Variants in GOLIM4 observed in about 807,000 individuals in gnomAD.
GOLIM4 encodes the protein 130 kDa golgi-localized phosphoprotein.
A neutral mutation model predicts 107.4 loss-of-function variants in GOLIM4; 71 were observed. The observed-to-expected ratio is 0.66, with a 90% CI of 0.55 to 0.81. The LOEUF (loss-of-function observed/expected upper bound fraction) is 0.81, where lower values mean the gene tolerates loss of function less well. Among genes scored for constraint, GOLIM4 ranks in the 30% least tolerant of loss-of-function variants. GOLIM4 has a pLI of 0.00. For missense variants in GOLIM4, 830 were observed against 826.1 expected, an observed-to-expected ratio of 1.00 and a Z score of -0.06; for synonymous variants, 327 against 294.8, an observed-to-expected ratio of 1.11 and a Z score of -1.12.
At chr3:168,050,524 T>C (rs1211048346) in intron 1 of GOLIM4, among the ~76,000 whole-genome samples, 1 of 151,706 alleles carries the variant, frequency 6.6e-6, no homozygotes, top group African/African-American at 2.4e-5. Flanking sequence ...TACAATACTA[T>C]CATGATAAAA....
intron 14 of GOLIM4, among the ~76,000 whole-genome samples, chr3:168,020,197 G>A (rs1279782608): frequency 1.3e-5 from 2 of 152,130 alleles, no homozygotes; most frequent in Admixed American, 6.5e-5. Flanking sequence ...ATAGCATTGG[G>A]TGAAAAATCA....
chr3:168,076,004 C>T (rs2108283378), intron 1 of GOLIM4, among the ~76,000 whole-genome samples: 1 of 152,240 alleles, frequency 6.6e-6, no homozygotes, highest in South Asian at 2.1e-4. Context: ...ACAAACCTCA[C>T]ATTAAATGGA....
rs1459781751 is a variant in GOLIM4, at chr3:168,078,274, A to AT, written c.187+16824dup. ...TTTTGTTTACACAAATATTTTGTTA[A>AT]TTTTTTCTATCATAATTTGTATGGT... On this transcript the variant is annotated intron_variant, in intron 1 of 15. Transcript: ENST00000470487. 5.3e-5 allele frequency among the ~76,000 whole-genome samples: 8 copies of AT among 152,252 alleles called. No individual in the cohort carries two copies. In the East Asian group the frequency reaches 1.5e-3, roughly 29 times the overall value.
chr3:168,066,080 G>A (rs545682591), intron 1 of GOLIM4, among the ~76,000 whole-genome samples: 46 of 152,146 alleles, frequency 3.0e-4, no homozygotes, highest in Non-Finnish European at 5.7e-4. Context: ...TAGACAGAAG[G>A]ACTCAGCAGG....
In GOLIM4 at chr3:168,032,882, C is replaced by G. The variant is rs777101348; in HGVS notation, c.844-30G>C. ...GCCAAGCACATCACTGGGAATGACACTCTTCCAATTTCAAAAGTAATGATG... is the reference window on the plus strand; with the variant it reads ...GCCAAGCACATCACTGGGAATGACAGTCTTCCAATTTCAAAAGTAATGATG... On this transcript the variant is annotated intron_variant, in intron 8 of 15. Transcript: ENST00000470487. The G allele has an allele frequency of 2.1e-5, 32 of 1,496,406 alleles. No individual in the cohort carries two copies. In the African/African-American group the frequency reaches 3.3e-4, roughly 16 times the overall value. The allele number at this position is 1,496,406 out of a possible 1,614,324, so 92.7% of individuals were successfully genotyped here. A position where few individuals can be genotyped will look rare whatever the true frequency, so the allele number is the denominator to read the frequency against.
chr3:168,081,770 T>C lies in GOLIM4; in HGVS notation c.187+13329A>G, dbSNP rs138368844. Among the ~76,000 whole-genome samples, 6 of 152,308 alleles carry C rather than the reference T, an allele frequency of 3.9e-5. No homozygotes were observed. The East Asian group carries it at 1.2e-3, about 29-fold the overall frequency. ...AATAATATCATGAATACAAGGCAAT[T>C]CAGAAAGTACACATTTCTCATGTAA... On this transcript the variant is annotated intron_variant, in intron 1 of 15. Transcript: ENST00000470487.
At chr3:168,087,372 C>G (rs1393688981) in intron 1 of GOLIM4, among the ~76,000 whole-genome samples, 1 of 152,128 alleles carries the variant, frequency 6.6e-6, no homozygotes, top group East Asian at 1.9e-4. Flanking sequence ...AGAAGCAACT[C>G]TCTAGGAGAG....
chr3:168,010,371 G>A lies in GOLIM4; in HGVS notation c.1989C>T (p.Asp663=). 6.2e-7 allele frequency: 1 copy of A among 1,612,356 alleles called. No individual in the cohort carries two copies. Residue 663 remains aspartate, a synonymous_variant, in exon 16 of 16, where the codon GAC becomes GAT. Transcript: ENST00000470487. ...NDGEEQEVRD[D]NRPKGREEHY... The stretch of plus-strand genomic sequence containing the variant: ...GTTCCTCTCGGCCTTTGGGGCGGTT[G>A]TCATCTCGAACTTCTTGCTCTTCTC...
rs1268618098 is a variant in GOLIM4 at position 168,016,311 on chromosome 3, T to C, written c.1861-5488A>G. Among the ~76,000 whole-genome samples, 4 of 134,562 alleles carry C rather than the reference T, an allele frequency of 3.0e-5. No homozygotes were observed. In the East Asian group the frequency reaches 7.9e-4, roughly 27 times the overall value. 88.3% of individuals were successfully genotyped at this position (134,562 alleles called of 152,430 possible). ...AAAAAATGCTCATCATCACTGGCCA[T>C]CAGAGAAATGCAAATCAAAACCACA... On this transcript the variant is annotated intron_variant, in intron 14 of 15. Transcript: ENST00000470487.
At chr3:168,024,799 A>G in intron 13 of GOLIM4, 129 bp downstream of exon 13, 1 of 927,046 alleles carries the variant, frequency 1.1e-6, no homozygotes, top group Admixed American at 1.9e-5. Flanking sequence ...ATCATGTCAT[A>G]AAGTGGCCTA....
intron 1 of GOLIM4, among the ~76,000 whole-genome samples, chr3:168,092,869 T>G (rs564826547): frequency 7.2e-4 from 109 of 152,298 alleles, no homozygotes; most frequent in African/African-American, 2.6e-3. Context: ...AAAAAAATAC[T>G]TTAGCCTGCT....
chr3:168,010,447 A>G, intron 15 of GOLIM4, 29 bp from the exon 16 acceptor site: 2 of 1,408,170 alleles, frequency 1.4e-6, no homozygotes, highest in Non-Finnish European at 2.0e-6. Context: ...AAGAAAAACT[A>G]AGAGATAGTA....
intron 1 of GOLIM4, among the ~76,000 whole-genome samples, chr3:168,069,270 C>T (rs13323082): frequency 2.6e-5 from 4 of 152,110 alleles, no homozygotes; most frequent in East Asian, 3.9e-4. Context: ...TGGAAGAAAG[C>T]GAAAGATAAA....
At chr3:168,087,129 T>C (rs754552140) in intron 1 of GOLIM4, among the ~76,000 whole-genome samples, 1 of 152,160 alleles carries the variant, frequency 6.6e-6, no homozygotes, top group Non-Finnish European at 1.5e-5. Context: ...CCTGTACAGT[T>C]TTTTTGAATC....
chr3:168,072,431 A>C (rs1053881239), intron 1 of GOLIM4, among the ~76,000 whole-genome samples: 7 of 152,134 alleles, frequency 4.6e-5, no homozygotes, highest in African/African-American at 1.7e-4. Flanking sequence ...TGAGGACATA[A>C]AACTAAAACT....
At chr3:168,076,559 C>A (rs1290127758) in intron 1 of GOLIM4, among the ~76,000 whole-genome samples, 1 of 152,086 alleles carries the variant, frequency 6.6e-6, no homozygotes, top group Non-Finnish European at 1.5e-5. Context: ...GGCGTCGTGG[C>A]GCACACCTGT....
rs563827294 is a variant in GOLIM4 at position 168,012,864 on chromosome 3, T to C, written c.1861-2041A>G. On this transcript the variant is annotated intron_variant, in intron 14 of 15. Coordinates refer to ENST00000470487, the MANE Select transcript of GOLIM4 (RefSeq NM_014498.5). ...TGAGAGATTTTGTCACCACCAGGCC[T>C]GCCCTACAAGAGCTCCTAAAGGAAG... Among the ~76,000 whole-genome samples the C allele has an allele frequency of 2.0e-4, 31 of 152,016 alleles. No homozygotes were observed. The South Asian group carries it at 6.0e-3, about 30-fold the overall frequency.
chr3:168,023,381 C>T (rs1020281759), intron 14 of GOLIM4, among the ~76,000 whole-genome samples: 5 of 152,200 alleles, frequency 3.3e-5, no homozygotes, highest in African/African-American at 9.6e-5. Flanking sequence ...AGTTAAAGTG[C>T]ATGTTATTAG....
At position 168,032,967 on chromosome 3, in the gene GOLIM4, A is replaced by G. The variant is rs1035232777; in HGVS notation, c.844-115T>C. ...GCTACAACAGAAGAAGGTGTCTAGA[A>G]ATATATATAGTCCTGGCTTTATGGC... is the stretch of plus-strand genomic sequence containing the variant. On this transcript the variant is annotated intron_variant, in intron 8 of 15. Transcript: ENST00000470487. 2.4e-5 allele frequency: 18 copies of G among 764,054 alleles called. No individual in the cohort carries two copies. In the African/African-American group the frequency reaches 3.1e-4, roughly 13 times the overall value. The allele number at this position is 764,054 out of a possible 1,614,324, so 47.3% of individuals were successfully genotyped here.
Sources: allele counts gnomAD v4.1 joint callset (sites outside exome capture counted in the v4.1 genomes callset), GRCh38; gene constraint gnomAD v4.1.1; transcripts MANE v1.5; gene names NCBI Gene and HGNC (gene_info 2026-07-23, HGNC 2026-07-21).